Variants in ACTN3 observed in about 807,000 individuals in gnomAD.
ACTN3 encodes the protein actinin alpha 3, also known as alpha-actinin-3.
A neutral mutation model predicts 119.6 loss-of-function variants in ACTN3; 91 were observed. That is an observed-to-expected ratio of 0.76 (90% CI 0.64 to 0.91). The LOEUF is 0.91. ACTN3 is among the 40% of genes least tolerant of loss of function. The pLI, the probability that ACTN3 is intolerant of heterozygous loss-of-function variation, is 0.00. For synonymous variants in ACTN3, 456 were observed against 478.8 expected (o/e 0.95, Z 0.62); for missense variants, 1,221 against 1,215.1 (o/e 1.00, Z -0.07).
intron 1 of ACTN3, among the ~76,000 whole-genome samples, chr11:66,549,101 G>A (rs554727756): frequency 1.6e-4 from 24 of 152,144 alleles, no homozygotes; most frequent in African/African-American, 3.1e-4. Context: ...CTGCCCCTCC[G>A]GCCTGCCTCT....
At chr11:66,555,080 C>T (rs368324882) in intron 5 of ACTN3, 50 bp from the exon 6 acceptor site, 63 of 1,579,776 alleles carry the variant, frequency 4.0e-5, no homozygotes, top group African/African-American at 6.8e-5. Context: ...GAGGGGAGAA[C>T]GGGGCCCCAG....
chr11:66,561,343 G>GCCA lies in ACTN3; in HGVS notation c.1977_1978insCCA (p.Trp659_Ile660insPro). 1 of 1,611,508 alleles carries GCCA rather than the reference G, an allele frequency of 6.2e-7. No individual in the cohort carries two copies. The highest frequency in any genetic ancestry group is 8.5e-7 in the Non-Finnish European group (1 of 1,178,792). ...CCCAGGCCAATGCCATTGGACCCTG[G>GCCA]ATCCAGGCGAAGGTGGAGGTAAGGG... On this transcript the variant is annotated inframe_insertion, in exon 16 of 21. Coordinates refer to ENST00000513398, the MANE Select transcript of ACTN3 (RefSeq NM_001104.4).
Position 66,558,174 on chromosome 11 carries a change from G to C in ACTN3, c.1276G>C (p.Gly426Arg). ...CTCCCTGCACGAAGCCTGGACCCGGGGTAGGTAGACCTACCTCATGGGGCT... is the reference window on the plus strand; with the variant it reads ...CTCCCTGCACGAAGCCTGGACCCGGCGTAGGTAGACCTACCTCATGGGGCT... ...KASLHEAWTR[G>R]KEEMLSQRDY... is the part of the protein sequence containing the mutation. The change falls in exon 11 of 21, where the codon GGA (glycine) becomes CGA (arginine). Residue 426 changes from glycine to arginine, a missense_variant and splice_region_variant. Gly to Arg is a moderately radical substitution (Grantham distance 125). Transcript: ENST00000513398. 2 of 1,612,740 alleles carry C rather than the reference G, an allele frequency of 1.2e-6. No homozygotes were observed.
In ACTN3 at chr11:66,562,124, G is replaced by C. The variant is rs149868156; in HGVS notation, c.2278G>C (p.Glu760Gln). 2 of 1,614,092 alleles carry C rather than the reference G, an allele frequency of 1.2e-6. No individual in the cohort carries two copies. Among genetic ancestry groups the C allele is most frequent in the Admixed American group, 1.7e-5 (1 of 60,018 alleles). ...CCGAGACGCCAAGGGACTGAGCCAG[G>C]AGCAGCTCAACGAGTTCCGAGCATC... ...LTRDAKGLSQEQLNEFRASFN... is the reference protein window; with the variant it reads ...LTRDAKGLSQQQLNEFRASFN... Residue 760 changes from glutamate to glutamine, a missense_variant, in exon 18 of 21, where the codon GAG becomes CAG. Transcript: ENST00000513398.
chr11:66,560,711 T>TACATC lies in ACTN3; in HGVS notation c.1819_1823dup (p.Leu609SerfsTer35), dbSNP rs2134939707. The TACATC allele has an allele frequency of 6.2e-7, 1 of 1,613,798 alleles. No individual in the cohort carries two copies. Among genetic ancestry groups the TACATC allele is most frequent in the East Asian group, 2.2e-5 (1 of 44,874 alleles). On this transcript the variant is annotated frameshift_variant, in exon 15 of 21. Coordinates refer to ENST00000513398, the MANE Select transcript of ACTN3 (RefSeq NM_001104.4). LOFTEE classifies it high-confidence loss of function. ...GCTGCGGCCCTGCTCCACCAATCCC[T>TACATC]ACATCACCCTCAGCCCGCAGGACAT...
At chr11:66,549,033 C>T (rs1339272353) in intron 1 of ACTN3, among the ~76,000 whole-genome samples, 2 of 152,160 alleles carry the variant, frequency 1.3e-5, no homozygotes, top group Admixed American at 6.5e-5. Context: ...TGTTGCCCTC[C>T]GGATCAAATT....
chr11:66,560,015 C>G lies in ACTN3; in HGVS notation c.1475C>G (p.Ala492Gly), dbSNP rs779124261. 1 of 1,605,292 alleles carries G rather than the reference C, an allele frequency of 6.2e-7. No individual in the cohort carries two copies. The highest frequency in any genetic ancestry group is 1.7e-5 in the Admixed American group (1 of 59,328). ...GCCTCAGTGAATAGCCGCTGCCAGG[C>G]CATCTGCGATCAGTGGGACAACCTG... ...EAASVNSRCQ[A>G]ICDQWDNLGT... Residue 492 changes from alanine (A) to glycine (G), a missense_variant, in exon 13 of 21, where the codon GCC becomes GGC. Around this residue, in one of 3 missense-constraint regions of ACTN3, gnomAD observed 934 missense variants for 899.9 expected, o/e 1.04. Coordinates refer to ENST00000513398, the MANE Select transcript of ACTN3 (RefSeq NM_001104.4).
chr11:66,551,459 G>C, intron 2 of ACTN3, 69 bp from the exon 3 acceptor site: 1 of 1,575,456 alleles, frequency 6.3e-7, no homozygotes, highest in Non-Finnish European at 8.6e-7. Flanking sequence ...GGGGAGGGGA[G>C]AGTTTGCGGA....
intron 11 of ACTN3, 112 bp from the exon 12 acceptor site, chr11:66,559,124 T>G: frequency 8.3e-7 from 1 of 1,205,362 alleles, no homozygotes. Context: ...TAGGACGAGC[T>G]AGGCCGGTGC....
chr11:66,561,965 G>C (rs1380884204), intron 17 of ACTN3, 57 bp from the exon 18 acceptor site: 12 of 1,548,286 alleles, frequency 7.8e-6, no homozygotes, highest in Non-Finnish European at 9.6e-6. Flanking sequence ...TGTGGAGCTA[G>C]AGCCAGTGGC....
chr11:66,557,767 C>T lies in ACTN3; in HGVS notation c.966C>T (p.Ala322=). The T allele has an allele frequency of 1.9e-6, 3 of 1,613,778 alleles. No homozygotes were observed. The highest frequency in any genetic ancestry group is 2.5e-6 in the Non-Finnish European group (3 of 1,179,884). Residue 322 remains alanine (A), a synonymous_variant, in exon 10 of 21, where the codon GCC becomes GCT. Transcript: ENST00000513398. ...GTGTGGGTGAGCCCAGCATGAGTGC[C>T]ATGCAGCGCAAACTAGAGGACTTTC... is the stretch of plus-strand genomic sequence containing the variant. ...ENRVGEPSMS[A]MQRKLEDFRD...
rs771328993 is a variant in ACTN3 at position 66,554,072 on chromosome 11, C to T, written c.410C>T (p.Thr137Ile). The T allele has an allele frequency of 1.9e-6, 3 of 1,613,788 alleles. No homozygotes were observed. Among genetic ancestry groups the T allele is most frequent in the African/African-American group, 1.3e-5 (1 of 74,942 alleles). Residue 137 changes from threonine (T) to isoleucine (I), a missense_variant, in exon 4 of 21, where the codon ACC becomes ATC. By Grantham distance (89) the Thr-to-Ile change is moderately conservative (BLOSUM62 -1). Transcript: ENST00000513398. ...EEIVDGNLKM[T>I]LGMIWTIILR... is the part of the protein sequence containing the mutation. ...ATTGTTGACGGGAACCTGAAGATGA[C>T]CCTGGGCATGATCTGGACCATCATC...
chr11:66,554,660 G>A (rs1167557337), intron 5 of ACTN3, 37 bp downstream of exon 5: 1 of 1,562,890 alleles, frequency 6.4e-7, no homozygotes, highest in East Asian at 2.3e-5. Flanking sequence ...CTGGGCCTCT[G>A]TGGGGTACTG....
At chr11:66,558,438 G>A (rs1405956670) in intron 11 of ACTN3, among the ~76,000 whole-genome samples, 2 of 152,096 alleles carry the variant, frequency 1.3e-5, no homozygotes, top group African/African-American at 4.8e-5. Context: ...TACAATCTCG[G>A]CTCACTACAA....
intron 1 of ACTN3, among the ~76,000 whole-genome samples, chr11:66,549,968 T>A (rs1168793563): frequency 6.6e-6 from 1 of 152,124 alleles, no homozygotes; most frequent in Non-Finnish European, 1.5e-5. Flanking sequence ...CCTCAAGTAT[T>A]TAACGCATCA....
In ACTN3 at chr11:66,559,401, G is replaced by A. The variant is rs1471991876; in HGVS notation, c.1427+15G>A. Reference sequence around the variant, plus strand: ...CAGGAGCTCAAGTAGGCGGGGCCTCGCGGGGCCCGCCCCCAACACCCCCGG... The same window carrying A: ...CAGGAGCTCAAGTAGGCGGGGCCTCACGGGGCCCGCCCCCAACACCCCCGG... On this transcript the variant is annotated intron_variant, in intron 12 of 20. Coordinates refer to ENST00000513398, the MANE Select transcript of ACTN3 (RefSeq NM_001104.4). 4 of 1,477,770 alleles carry A rather than the reference G, an allele frequency of 2.7e-6. No individual in the cohort carries two copies. The highest frequency in any genetic ancestry group is 2.8e-5 in the East Asian group (1 of 36,108). 91.5% of individuals were successfully genotyped at this position (1,477,770 alleles called of 1,614,324 possible).
intron 1 of ACTN3, among the ~76,000 whole-genome samples, chr11:66,550,589 G>C (rs1857449386): frequency 6.6e-6 from 1 of 152,268 alleles, no homozygotes; most frequent in South Asian, 2.1e-4. Flanking sequence ...ACCGAGGCAG[G>C]AGGATCACTT....
In ACTN3 at chr11:66,560,653, G is replaced by C; in HGVS notation, c.1758G>C (p.Gln586His). The C allele has an allele frequency of 1.2e-6, 2 of 1,613,928 alleles. No homozygotes were observed. The highest frequency in any genetic ancestry group is 2.2e-5 in the East Asian group (1 of 44,884). Reference protein sequence around the residue: ...DRERGAIMGIQGEIQKICQTY... With the variant: ...DRERGAIMGIHGEIQKICQTY... ...AGCGAGGTGCCATCATGGGCATCCAGGGTGAGATCCAGAAGATCTGCCAGA... is the reference window on the plus strand; with the variant it reads ...AGCGAGGTGCCATCATGGGCATCCACGGTGAGATCCAGAAGATCTGCCAGA... Residue 586 changes from glutamine to histidine, a missense_variant, in exon 15 of 21, where the codon CAG (glutamine) becomes CAC (histidine). Physicochemically the swap from Gln to His is conservative, Grantham distance 24. This residue lies in a region of ACTN3 where 934 missense variants were observed against 899.9 expected (regional missense o/e 1.04). Transcript: ENST00000513398.
upstream of ACTN3, chr11:66,546,663 T>C (rs901550197): frequency 2.7e-5 from 41 of 1,530,818 alleles, no homozygotes; most frequent in Non-Finnish European, 3.2e-5. Flanking sequence ...GTCCCGTGGA[T>C]TTCTCAAGGT....
Sources: allele counts gnomAD v4.1 joint callset (sites outside exome capture counted in the v4.1 genomes callset), GRCh38; gene constraint gnomAD v4.1.1; regional missense constraint gnomAD v4.1.1; transcripts MANE v1.5; gene names NCBI Gene and HGNC (gene_info 2026-07-23, HGNC 2026-07-21).